The following COL24A1 variants were observed in gnomAD, a reference collection of about 807,000 sequenced individuals.
COL24A1 encodes the protein collagen type XXIV alpha 1 chain.
In COL24A1, 224 loss-of-function variants were observed where a neutral mutation model predicts 253.9. That is an observed-to-expected ratio of 0.88 (90% CI 0.79 to 0.99). The LOEUF is 0.99. Ranked by LOEUF, COL24A1 falls within the 50% of genes least tolerant of loss-of-function variation. The pLI, the probability that COL24A1 is intolerant of heterozygous loss-of-function variation, is 0.00. For synonymous variants in COL24A1, 685 were observed against 673.7 expected, an observed-to-expected ratio of 1.02 and a Z score of -0.26; for missense variants, 2,131 against 2,068.5, an observed-to-expected ratio of 1.03 and a Z score of -0.59.
At chr1:85,817,469 A>C (rs1046560903) in intron 46 of COL24A1, among the ~76,000 whole-genome samples, 1 of 152,036 alleles carries the variant, frequency 6.6e-6, no homozygotes, top group Non-Finnish European at 1.5e-5. Flanking sequence ...AAGCCAATAC[A>C]AGTCACCCAA....
chr1:85,860,375 C>G (rs1237142404), intron 37 of COL24A1, among the ~76,000 whole-genome samples: 3 of 152,158 alleles, frequency 2.0e-5, no homozygotes, highest in Non-Finnish European at 4.4e-5. Context: ...TTTCCAACCC[C>G]TCTAGCCCTA....
chr1:85,968,779 T>C (rs1691820324), intron 22 of COL24A1, among the ~76,000 whole-genome samples: 1 of 152,154 alleles, frequency 6.6e-6, no homozygotes, highest in Admixed American at 6.6e-5. Context: ...ATTTACATTA[T>C]GGAAAGAATC....
Position 85,849,360 on chromosome 1 carries a change from C to T in COL24A1, c.3347G>A (p.Gly1116Glu), listed in dbSNP as rs373985992. ...GAAGATGTAAAAAATTACCTTTTTT[C>T]CTGGACGACCTCTTTGCCCTGGAAT... The part of the protein sequence containing the change: ...VGIPGQRGRP[G>E]KKGDKGQIGP... Residue 1116 changes from glycine to glutamate, a missense_variant, in exon 38 of 60, where the codon GGA becomes GAA. Coordinates refer to ENST00000370571, the MANE Select transcript of COL24A1 (RefSeq NM_152890.7). 3 of 1,611,792 alleles carry T rather than the reference C, an allele frequency of 1.9e-6. No individual in the cohort carries two copies. Among genetic ancestry groups the T allele is most frequent in the Non-Finnish European group, 2.5e-6 (3 of 1,178,868 alleles).
At position 86,059,253 on chromosome 1, in the gene COL24A1, A is replaced by G. The variant is rs1700891970; in HGVS notation, c.1753-79T>C. On this transcript the variant is annotated intron_variant, in intron 8 of 59. Transcript: ENST00000370571. ...GTATATTTACAATACACAAGCTTGG[A>G]AATAATTTTTCCCCATAAAAATACG... 4 of 1,031,788 alleles carry G rather than the reference A, an allele frequency of 3.9e-6. No individual in the cohort carries two copies. The East Asian group carries it at 8.3e-5, about 21-fold the overall frequency. 63.9% of individuals were successfully genotyped at this position (1,031,788 alleles called of 1,614,324 possible). A position where few individuals can be genotyped will look rare whatever the true frequency, so the allele number is the denominator to read the frequency against.
At chr1:86,028,250 G>A (rs548323614) in intron 14 of COL24A1, among the ~76,000 whole-genome samples, 100 of 152,314 alleles carry the variant, frequency 6.6e-4, no homozygotes, top group Middle Eastern at 3.4e-3. Flanking sequence ...GCATGATTGT[G>A]TTTTGAAATG....
intron 2 of COL24A1, among the ~76,000 whole-genome samples, chr1:86,138,477 C>A (rs1196891658): frequency 1.3e-5 from 2 of 152,022 alleles, no homozygotes; most frequent in Non-Finnish European, 2.9e-5. Context: ...GGTGATTGAA[C>A]CAGGTCTTTC....
intron 39 of COL24A1, 88 bp from the exon 40 acceptor site, chr1:85,842,481 A>G (rs1275787247): frequency 3.3e-6 from 3 of 902,528 alleles, no homozygotes; most frequent in Non-Finnish European, 5.1e-6. Flanking sequence ...TTAAATTGTT[A>G]CCTTTAGATT....
At chr1:86,146,616 C>T (rs1334468463) in intron 1 of COL24A1, among the ~76,000 whole-genome samples, 2 of 151,782 alleles carry the variant, frequency 1.3e-5, no homozygotes, top group Non-Finnish European at 2.9e-5. Context: ...ACGCAAATTA[C>T]AGTTGCTTAA....
At position 85,786,353 on chromosome 1, in the gene COL24A1, C is replaced by G; in HGVS notation, c.4059+1G>C. 6.2e-7 allele frequency: 1 copy of G among 1,613,262 alleles called. No individual in the cohort carries two copies. The highest frequency in any genetic ancestry group is 1.7e-4 in the Middle Eastern group (1 of 6,058). On this transcript the variant is annotated splice_donor_variant, in intron 48 of 59. Transcript: ENST00000370571. LOFTEE classifies it high-confidence loss of function. ...CCCATTGGAACAAAATATTAAAGTA[C>G]CTTTGGGCCTTGAATTCCTGGGCTT...
In COL24A1 at chr1:85,886,644, G is replaced by A. The variant is rs141499664; in HGVS notation, c.2976+2916C>T. ...TGCACCACTGTACTCTAGCCTGGGC[G>A]ACAGAGCGAGACTCTGTCTTAAAAA... On this transcript the variant is annotated intron_variant, in intron 32 of 59. Transcript: ENST00000370571. 3.3e-3 allele frequency among the ~76,000 whole-genome samples: 497 copies of A among 151,896 alleles called. 6 individuals carry two copies. Among genetic ancestry groups the A allele is most frequent in the African/African-American group, 0.012 (481 of 41,466 alleles).
chr1:86,102,033 A>T (rs985355833), intron 5 of COL24A1, among the ~76,000 whole-genome samples: 1 of 151,664 alleles, frequency 6.6e-6, no homozygotes, highest in South Asian at 2.1e-4. Flanking sequence ...TTTTAACCAA[A>T]AAAAGGCTAT....
intron 33 of COL24A1, among the ~76,000 whole-genome samples, chr1:85,875,747 A>G (rs1681083634): frequency 8.5e-6 from 1 of 117,992 alleles, no homozygotes. Context: ...ACACACACAC[A>G]CACACACACA....
chr1:86,033,737 A>C, intron 13 of COL24A1, 133 bp downstream of exon 13: 1 of 680,894 alleles, frequency 1.5e-6, no homozygotes, highest in Non-Finnish European at 2.4e-6. Context: ...ACAAACTGGA[A>C]TGTGCACAGT....
intron 24 of COL24A1, among the ~76,000 whole-genome samples, chr1:85,916,967 A>T (rs1300177421): frequency 6.6e-6 from 1 of 152,212 alleles, no homozygotes; most frequent in East Asian, 1.9e-4. Context: ...TTGCTGTATT[A>T]TTTAAGTACA....
intron 51 of COL24A1, among the ~76,000 whole-genome samples, chr1:85,782,573 A>G (rs1419278420): frequency 6.6e-6 from 1 of 152,226 alleles, no homozygotes; most frequent in Non-Finnish European, 1.5e-5. Flanking sequence ...GGAAACCATC[A>G]TTCTCAGCAA....
chr1:86,052,574 C>G (rs1037994918), intron 10 of COL24A1, among the ~76,000 whole-genome samples: 4 of 151,930 alleles, frequency 2.6e-5, no homozygotes, highest in Admixed American at 2.6e-4. Context: ...TTGCCAGGGA[C>G]TGGGAGTGGA....
At chr1:86,030,890 G>A (rs1393793611) in intron 14 of COL24A1, among the ~76,000 whole-genome samples, 1 of 151,836 alleles carries the variant, frequency 6.6e-6, no homozygotes, top group Non-Finnish European at 1.5e-5. Flanking sequence ...GAGCCACCAT[G>A]CCTAGCCGTG....
At chr1:85,993,189 G>A (rs1193533111) in intron 19 of COL24A1, among the ~76,000 whole-genome samples, 1 of 152,004 alleles carries the variant, frequency 6.6e-6, no homozygotes, top group Admixed American at 6.6e-5. Flanking sequence ...CCAGAAGCTT[G>A]GAAGCTAGAG....
At chr1:85,929,852 G>A (rs1301797037) in intron 24 of COL24A1, among the ~76,000 whole-genome samples, 1 of 149,862 alleles carries the variant, frequency 6.7e-6, no homozygotes, top group Admixed American at 6.7e-5. Context: ...ATAACGAAAT[G>A]AAGGCAGAAA....
Sources: gnomAD v4.1 joint callset for allele counts (sites outside exome capture counted in the v4.1 genomes callset) on GRCh38, gnomAD v4.1.1 for gene constraint, MANE v1.5 for transcripts, NCBI Gene and HGNC (gene_info 2026-07-23, HGNC 2026-07-21) for gene names.